The following RABGAP1L variants were observed in gnomAD, a reference collection of about 807,000 sequenced individuals.
RABGAP1L encodes the protein RAB GTPase activating protein 1 like, also known as rab GTPase-activating protein 1-like.
A neutral mutation model predicts 137.7 loss-of-function variants in RABGAP1L; 63 were observed. The ratio of observed to expected loss-of-function variants is 0.46; its 90% CI spans 0.37 to 0.56. The LOEUF (loss-of-function observed/expected upper bound fraction) is 0.56, where lower values mean the gene tolerates loss of function less well. Among genes scored for constraint, RABGAP1L ranks in the 20% least tolerant of loss-of-function variants. The pLI, the probability that RABGAP1L is intolerant of heterozygous loss-of-function variation, is 0.00. For missense variants in RABGAP1L, 1,095 were observed against 1,244.0 expected (o/e 0.88, Z 1.80); for synonymous variants, 431 against 433.7 (o/e 0.99, Z 0.08).
At chr1:174,684,022 C>T (rs1338962530) in intron 15 of RABGAP1L, among the ~76,000 whole-genome samples, 1 of 152,170 alleles carries the variant, frequency 6.6e-6, no homozygotes, top group Non-Finnish European at 1.5e-5. Flanking sequence ...TTTTCAGGTA[C>T]TGGGCTAGGA....
chr1:174,414,372 C>G (rs1409417661), intron 13 of RABGAP1L, among the ~76,000 whole-genome samples: 2 of 152,040 alleles, frequency 1.3e-5, no homozygotes, highest in African/African-American at 2.4e-5. Context: ...GTTTTACTTT[C>G]CCTTTCAGTT....
chr1:174,214,884 A>G (rs1394535645), intron 1 of RABGAP1L, among the ~76,000 whole-genome samples: 1 of 152,198 alleles, frequency 6.6e-6, no homozygotes, highest in Non-Finnish European at 1.5e-5. Flanking sequence ...CTATGAAGCT[A>G]CTAAGAGAAA....
chr1:174,921,913 G>T (rs980194006), intron 19 of RABGAP1L, among the ~76,000 whole-genome samples: 8 of 152,174 alleles, frequency 5.3e-5, no homozygotes, highest in African/African-American at 1.9e-4. Flanking sequence ...AAACTGAATT[G>T]TAATTTTCAG....
At chr1:174,374,541 G>A (rs915621841) in intron 12 of RABGAP1L, among the ~76,000 whole-genome samples, 7 of 151,970 alleles carry the variant, frequency 4.6e-5, no homozygotes, top group Non-Finnish European at 8.8e-5. Context: ...TATAGGTATT[G>A]TAGAAACTAA....
chr1:174,363,189 G>A (rs1435793498), intron 11 of RABGAP1L, among the ~76,000 whole-genome samples: 4 of 152,212 alleles, frequency 2.6e-5, no homozygotes, highest in African/African-American at 7.2e-5. Context: ...CCATAGCCCT[G>A]TAGTATAGTT....
chr1:174,367,640 CT>C, intron 11 of RABGAP1L: 1 of 261,884 alleles, frequency 3.8e-6, no homozygotes, highest in Non-Finnish European at 7.4e-6. Context: ...GCTTGCCTTT[CT>C]TTTTAACACT....
intron 19 of RABGAP1L, among the ~76,000 whole-genome samples, chr1:174,816,111 T>C (rs1164372402): frequency 6.6e-6 from 1 of 151,548 alleles, no homozygotes; most frequent in East Asian, 1.9e-4. Flanking sequence ...TATGAACATA[T>C]GAGCATTTTG....
chr1:174,313,171 G>A (rs970744136), intron 11 of RABGAP1L, among the ~76,000 whole-genome samples: 10 of 151,970 alleles, frequency 6.6e-5, no homozygotes, highest in East Asian at 5.8e-4. Context: ...TGATCTGCCC[G>A]CCTCGGCCTC....
intron 19 of RABGAP1L, among the ~76,000 whole-genome samples, chr1:174,838,803 G>C (rs1693032060): frequency 6.6e-6 from 1 of 151,360 alleles, no homozygotes; most frequent in Non-Finnish European, 1.5e-5. Context: ...TGTAGTCCCA[G>C]CTACTCGGAG....
chr1:174,214,725 A>G (rs151179241), intron 1 of RABGAP1L, among the ~76,000 whole-genome samples: 14 of 152,290 alleles, frequency 9.2e-5, no homozygotes, highest in Non-Finnish European at 1.6e-4. Flanking sequence ...TGCTAAGAAC[A>G]TAACACTGGG....
intron 13 of RABGAP1L, among the ~76,000 whole-genome samples, chr1:174,599,687 C>T (rs1180624517): frequency 6.6e-6 from 1 of 152,136 alleles, no homozygotes; most frequent in Non-Finnish European, 1.5e-5. Context: ...GAGAAGTCTG[C>T]AGCCAAACTT....
chr1:174,478,238 CTGTT>C (rs1208538516), intron 13 of RABGAP1L, among the ~76,000 whole-genome samples: 1 of 150,696 alleles, frequency 6.6e-6, no homozygotes, highest in Non-Finnish European at 1.5e-5. Context: ...CTTTTTTTTC[CTGTT>C]TTTGTTGTTG....
chr1:174,854,555 A>C (rs1214266208), intron 19 of RABGAP1L, among the ~76,000 whole-genome samples: 1 of 151,920 alleles, frequency 6.6e-6, no homozygotes, highest in Non-Finnish European at 1.5e-5. Context: ...TTATTATTCT[A>C]AGTATTTTCC....
intron 12 of RABGAP1L, among the ~76,000 whole-genome samples, chr1:174,383,115 C>CA (rs1329469303): frequency 2.0e-5 from 3 of 151,076 alleles, no homozygotes; most frequent in African/African-American, 7.3e-5. Flanking sequence ...GGTCAGGGGT[C>CA]AGGGACCCAC....
chr1:174,449,521 TTCTG>T (rs1249684544), intron 13 of RABGAP1L, among the ~76,000 whole-genome samples: 1 of 152,218 alleles, frequency 6.6e-6, no homozygotes, highest in East Asian at 1.9e-4. Flanking sequence ...ATTTCTGTCT[TTCTG>T]TCTGACTGTA....
intron 13 of RABGAP1L, among the ~76,000 whole-genome samples, chr1:174,635,029 A>G (rs949139825): frequency 6.6e-6 from 1 of 151,428 alleles, no homozygotes; most frequent in Admixed American, 6.6e-5. Flanking sequence ...AACTTAAAGT[A>G]TAATAAAAAA....
chr1:174,622,362 C>T (rs1443148689), intron 13 of RABGAP1L, among the ~76,000 whole-genome samples: 2 of 152,034 alleles, frequency 1.3e-5, no homozygotes, highest in African/African-American at 4.8e-5. Context: ...GGGTATATAC[C>T]CAAAGGACTA....
chr1:174,727,867 ATTTTCT>A (rs994310257), intron 17 of RABGAP1L, among the ~76,000 whole-genome samples: 9 of 152,096 alleles, frequency 5.9e-5, no homozygotes, highest in African/African-American at 2.2e-4. Context: ...CCAAAATCTG[ATTTTCT>A]TTTTTGGGTA....
At chr1:174,474,243 G>A (rs951940560) in intron 13 of RABGAP1L, among the ~76,000 whole-genome samples, 4 of 151,888 alleles carry the variant, frequency 2.6e-5, no homozygotes, top group African/African-American at 7.3e-5. Flanking sequence ...TCTTAATTTC[G>A]AATGGTTCTC....
Sources: allele counts gnomAD v4.1 joint callset (sites outside exome capture counted in the v4.1 genomes callset), GRCh38; gene constraint gnomAD v4.1.1; transcripts MANE v1.5; gene names NCBI Gene and HGNC (gene_info 2026-07-23, HGNC 2026-07-21).